SEMA5A: variants seen among roughly 807,000 people sequenced by gnomAD.
The protein encoded by SEMA5A is semaphorin 5A.
Under a neutral mutation model 135.5 loss-of-function variants are expected in SEMA5A, and 55 were observed. The ratio of observed to expected loss-of-function variants is 0.41; its 90% CI spans 0.33 to 0.51. The LOEUF (loss-of-function observed/expected upper bound fraction) is 0.51, where lower values mean the gene tolerates loss of function less well. Ranked by LOEUF, SEMA5A falls within the 20% of genes least tolerant of loss-of-function variation. The pLI, the probability that SEMA5A is intolerant of heterozygous loss-of-function variation, is 0.37. For synonymous variants in SEMA5A, 580 were observed against 546.5 expected, an observed-to-expected ratio of 1.06 and a Z score of -0.85; for missense variants, 1,290 against 1,419.9, an observed-to-expected ratio of 0.91 and a Z score of 1.47.
intron 5 of SEMA5A, among the ~76,000 whole-genome samples, chr5:9,287,473 A>T (rs1052106314): frequency 6.6e-6 from 1 of 152,238 alleles, no homozygotes; most frequent in Admixed American, 6.5e-5. Flanking sequence ...CCTAAATATG[A>T]TTTAAATAAT....
chr5:9,131,231 G>A (rs541042200), intron 13 of SEMA5A, among the ~76,000 whole-genome samples: 2 of 152,256 alleles, frequency 1.3e-5, no homozygotes, highest in African/African-American at 4.8e-5. Context: ...GTCCTACAAA[G>A]CTTACAATTA....
intron 16 of SEMA5A, among the ~76,000 whole-genome samples, chr5:9,077,859 A>G (rs1424307834): frequency 1.3e-5 from 2 of 152,238 alleles, no homozygotes; most frequent in Non-Finnish European, 2.9e-5. Flanking sequence ...TCTTGCTCAA[A>G]AGTGATGTAT....
intron 5 of SEMA5A, among the ~76,000 whole-genome samples, chr5:9,286,572 G>A (rs1750806419): frequency 6.6e-6 from 1 of 152,064 alleles, no homozygotes; most frequent in Non-Finnish European, 1.5e-5. Context: ...CTCACTGCCA[G>A]GAAACTACCC....
intron 1 of SEMA5A, among the ~76,000 whole-genome samples, chr5:9,481,223 G>A (rs1366351788): frequency 1.3e-5 from 2 of 152,150 alleles, no homozygotes; most frequent in South Asian, 2.1e-4. Flanking sequence ...TGGGATTATA[G>A]GCATGAGCCA....
At chr5:9,152,629 T>C (rs1184417163) in intron 12 of SEMA5A, among the ~76,000 whole-genome samples, 2 of 152,204 alleles carry the variant, frequency 1.3e-5, no homozygotes, top group Non-Finnish European at 2.9e-5. Context: ...TGATTACACA[T>C]CAAAACCTTC....
chr5:9,139,241 A>G (rs961527834), intron 12 of SEMA5A, among the ~76,000 whole-genome samples: 1 of 152,194 alleles, frequency 6.6e-6, no homozygotes, highest in African/African-American at 2.4e-5. Flanking sequence ...CTTTAAAATT[A>G]TTAACTTTAC....
chr5:9,207,205 G>C (rs1247937787), intron 8 of SEMA5A, among the ~76,000 whole-genome samples: 1 of 148,320 alleles, frequency 6.7e-6, no homozygotes, highest in African/African-American at 2.5e-5. Flanking sequence ...TGTGTTTTGA[G>C]ACAGAGTTTC....
chr5:9,228,786 T>C (rs1276549954), intron 6 of SEMA5A, among the ~76,000 whole-genome samples: 1 of 152,258 alleles, frequency 6.6e-6, no homozygotes, highest in Non-Finnish European at 1.5e-5. Flanking sequence ...TGCTGCATGA[T>C]AACATGATGA....
intron 3 of SEMA5A, among the ~76,000 whole-genome samples, chr5:9,355,603 G>A (rs978132475): frequency 2.0e-5 from 3 of 152,130 alleles, no homozygotes; most frequent in East Asian, 1.9e-4. Flanking sequence ...CTACGCGGAG[G>A]TCTTCACTAG....
intron 5 of SEMA5A, among the ~76,000 whole-genome samples, chr5:9,301,274 T>G (rs547891035): frequency 6.6e-6 from 1 of 152,280 alleles, no homozygotes; most frequent in East Asian, 1.9e-4. Context: ...TATCTCAGAG[T>G]TGATAAATTT....
intron 5 of SEMA5A, among the ~76,000 whole-genome samples, chr5:9,238,232 A>C (rs1748014608): frequency 6.6e-6 from 1 of 152,222 alleles, no homozygotes; most frequent in Non-Finnish European, 1.5e-5. Flanking sequence ...GAATAGACCC[A>C]GACGAGGCTT....
chr5:9,326,872 C>A (rs975420918), intron 4 of SEMA5A, among the ~76,000 whole-genome samples: 3 of 152,128 alleles, frequency 2.0e-5, no homozygotes, highest in African/African-American at 4.8e-5. Flanking sequence ...TATTTAATAT[C>A]GTGATCATAT....
rs1736023355 is a variant in SEMA5A at position 9,042,645 on chromosome 5, A to G, written c.*252T>C. ...ACAAACCAATGGACTTGTCAGAAAA[A>G]TAGGATGAACACAATTAAAAACTTC... is the stretch of plus-strand genomic sequence containing the variant. On this transcript the variant is annotated 3_prime_UTR_variant, in exon 23 of 23. Transcript: ENST00000382496. 7.1e-6 allele frequency: 3 copies of G among 422,286 alleles called. No individual in the cohort carries two copies. Among genetic ancestry groups the G allele is most frequent in the Admixed American group, 8.7e-5 (2 of 22,888 alleles). 26.2% of individuals were successfully genotyped at this position (422,286 alleles called of 1,614,324 possible).
intron 5 of SEMA5A, among the ~76,000 whole-genome samples, chr5:9,259,023 T>C (rs926883574): frequency 6.6e-5 from 10 of 152,228 alleles, no homozygotes; most frequent in Admixed American, 5.2e-4. Flanking sequence ...GGTTTCACCA[T>C]GTTGGCGAGG....
At chr5:9,124,673 C>A (rs1741009811) in intron 13 of SEMA5A, among the ~76,000 whole-genome samples, 1 of 152,158 alleles carries the variant, frequency 6.6e-6, no homozygotes, top group Admixed American at 6.5e-5. Context: ...CCAGGCTGGT[C>A]TCGAACTACT....
At chr5:9,080,583 G>A (rs1432226359) in intron 16 of SEMA5A, among the ~76,000 whole-genome samples, 4 of 150,926 alleles carry the variant, frequency 2.7e-5, no homozygotes, top group Non-Finnish European at 5.9e-5. Context: ...AACAATTGTA[G>A]CATCTTCTAT....
intron 1 of SEMA5A, chr5:9,523,298 G>C (rs533111405): frequency 6.6e-6 from 1 of 152,220 alleles, no homozygotes; most frequent in African/African-American, 2.4e-5. Flanking sequence ...AGCCCTGTTA[G>C]AGATGTAAGC....
At chr5:9,165,963 T>A (rs1287457570) in intron 11 of SEMA5A, among the ~76,000 whole-genome samples, 1 of 151,916 alleles carries the variant, frequency 6.6e-6, no homozygotes, top group Non-Finnish European at 1.5e-5. Flanking sequence ...AAAGGAGAAT[T>A]CAGAGAAGAA....
intron 1 of SEMA5A, among the ~76,000 whole-genome samples, chr5:9,445,187 G>C (rs1758385740): frequency 6.6e-6 from 1 of 152,052 alleles, no homozygotes; most frequent in African/African-American, 2.4e-5. Context: ...GCTGAATGAC[G>C]TGCATAACAC....
Sources: allele counts gnomAD v4.1 joint callset (sites outside exome capture counted in the v4.1 genomes callset), GRCh38; gene constraint gnomAD v4.1.1; transcripts MANE v1.5; gene names NCBI Gene and HGNC (gene_info 2026-07-23, HGNC 2026-07-21).